Variants in PRKG2 observed in about 807,000 individuals in gnomAD.
PRKG2 encodes the protein protein kinase cGMP-dependent 2, also known as cGMP-dependent protein kinase 2.
PRKG2 carries 33 observed loss-of-function variants against 97.2 expected under a neutral mutation model. That is an observed-to-expected ratio of 0.34 (90% CI 0.26 to 0.45). The LOEUF is 0.45. Ranked by LOEUF, PRKG2 falls within the 20% of genes least tolerant of loss-of-function variation. The probability of loss-of-function intolerance (pLI) is 1.00; values close to 1 mark genes in which losing one functional copy is unlikely to be tolerated. For missense variants in PRKG2, 638 were observed against 900.0 expected (o/e 0.71, Z 3.73); for synonymous variants, 330 against 321.8 (o/e 1.03, Z -0.27).
At chr4:81,121,775 CT>C (rs1745095934) in intron 14 of PRKG2, among the ~76,000 whole-genome samples, 1 of 151,594 alleles carries the variant, frequency 6.6e-6, no homozygotes, top group African/African-American at 2.4e-5. Context: ...TTTTATTGAT[CT>C]TTTCAAATAA....
At chr4:81,207,253 G>A (rs977235220) in intron 1 of PRKG2, among the ~76,000 whole-genome samples, 6 of 152,146 alleles carry the variant, frequency 3.9e-5, no homozygotes, top group African/African-American at 7.2e-5. Context: ...TTTTTAACAC[G>A]CATCAGTGAC....
chr4:81,217,036 T>TATATATATAC (rs1553933218), upstream of PRKG2, among the ~76,000 whole-genome samples: 1 of 137,360 alleles, frequency 7.3e-6, no homozygotes, highest in South Asian at 2.2e-4. Context: ...ATTTTGTATA[T>TATATATATAC]ATATATATAT....
intron 11 of PRKG2, among the ~76,000 whole-genome samples, chr4:81,142,411 C>T (rs751916909): frequency 1.3e-5 from 2 of 152,250 alleles, no homozygotes; most frequent in African/African-American, 2.4e-5. Flanking sequence ...GGCATTTTCA[C>T]TTGACACATT....
At chr4:81,216,231 G>C (rs1201959493), upstream of PRKG2, among the ~76,000 whole-genome samples, 1 of 152,090 alleles carries the variant, frequency 6.6e-6, no homozygotes, top group African/African-American at 2.4e-5. Context: ...AAAATATGTT[G>C]AATGAGACCA....
chr4:81,207,776 G>A (rs710835), intron 1 of PRKG2, among the ~76,000 whole-genome samples: 50,411 of 151,984 alleles, frequency 0.33, 9,046 homozygotes, highest in African/African-American at 0.47. Context: ...TTTAAGATAC[G>A]TAAGTAAGTT....
At chr4:81,129,643 C>T (rs1745962170) in intron 14 of PRKG2, among the ~76,000 whole-genome samples, 1 of 152,046 alleles carries the variant, frequency 6.6e-6, no homozygotes, top group African/African-American at 2.4e-5. Flanking sequence ...TTATCAGAGA[C>T]TAGGATTGCA....
intron 3 of PRKG2, among the ~76,000 whole-genome samples, chr4:81,173,017 G>A (rs1196787247): frequency 6.6e-6 from 1 of 152,118 alleles, no homozygotes; most frequent in Non-Finnish European, 1.5e-5. Flanking sequence ...CTTAGTGGTA[G>A]TGTCCAGTTG....
At chr4:81,115,507 G>A (rs1226748893) in intron 14 of PRKG2, among the ~76,000 whole-genome samples, 3 of 152,148 alleles carry the variant, frequency 2.0e-5, no homozygotes, top group African/African-American at 7.2e-5. Flanking sequence ...AAAAAGTTCT[G>A]CTGGAATTTC....
At chr4:81,157,565 C>T (rs1376534750) in intron 6 of PRKG2, among the ~76,000 whole-genome samples, 1 of 152,194 alleles carries the variant, frequency 6.6e-6, no homozygotes, top group East Asian at 1.9e-4. Flanking sequence ...AGGGAATCCT[C>T]CCTAACTCAT....
intron 14 of PRKG2, among the ~76,000 whole-genome samples, chr4:81,126,097 C>T (rs1745523573): frequency 6.6e-6 from 1 of 152,192 alleles, no homozygotes; most frequent in African/African-American, 2.4e-5. Flanking sequence ...TCTCATCGTT[C>T]TACTCCCACT....
At chr4:81,191,642 C>A (rs558255425) in intron 2 of PRKG2, among the ~76,000 whole-genome samples, 2 of 151,718 alleles carry the variant, frequency 1.3e-5, no homozygotes, top group East Asian at 3.9e-4. Flanking sequence ...AAAAATTGAC[C>A]TACACATTCA....
chr4:81,089,906 A>T, intron 18 of PRKG2, 103 bp from the exon 19 acceptor site: 2 of 922,470 alleles, frequency 2.2e-6, no homozygotes, highest in South Asian at 3.3e-5. Context: ...TTCATACTGC[A>T]GCCACTTGGA....
intron 8 of PRKG2, 48 bp downstream of exon 8, chr4:81,151,912 T>C (rs776301611): frequency 2.5e-5 from 35 of 1,407,966 alleles, no homozygotes; most frequent in Admixed American, 2.0e-4. Flanking sequence ...ATATAAAAAA[T>C]AGTCGAAGCA....
chr4:81,131,655 T>C (rs1578394044), intron 14 of PRKG2, among the ~76,000 whole-genome samples: 1 of 152,106 alleles, frequency 6.6e-6, no homozygotes, highest in South Asian at 2.1e-4. Flanking sequence ...TCATCTAGAA[T>C]TAATTTTTGT....
chr4:81,178,843 C>T (rs1377325035), intron 2 of PRKG2, among the ~76,000 whole-genome samples: 1 of 151,958 alleles, frequency 6.6e-6, no homozygotes, highest in African/African-American at 2.4e-5. Context: ...TAGCTTAAAT[C>T]AGGCAGAGTG....
At chr4:81,107,055 T>C (rs1578348268) in intron 15 of PRKG2, among the ~76,000 whole-genome samples, 1 of 152,180 alleles carries the variant, frequency 6.6e-6, no homozygotes, top group East Asian at 1.9e-4. Context: ...AGTTTGCTAA[T>C]GGGGTGAATA....
intron 14 of PRKG2, among the ~76,000 whole-genome samples, chr4:81,124,717 G>GC (rs1219986882): frequency 6.6e-6 from 1 of 152,122 alleles, no homozygotes; most frequent in African/African-American, 2.4e-5. Context: ...GGTGACTGCA[G>GC]CCCCCGACAC....
chr4:81,211,454 A>T lies in PRKG2; in HGVS notation c.-14+3482T>A, dbSNP rs113970038. On this transcript the variant is annotated intron_variant, in intron 1 of 18. Coordinates refer to ENST00000264399, the MANE Select transcript of PRKG2 (RefSeq NM_006259.3). ...TGAAATGTGTGATGGATGGAAGGAGAGTAATGAATAATGAAACTGAAAAAG... is the reference window on the plus strand; with the variant it reads ...TGAAATGTGTGATGGATGGAAGGAGTGTAATGAATAATGAAACTGAAAAAG... Among the ~76,000 whole-genome samples the T allele has an allele frequency of 1.6e-4, 24 of 152,308 alleles. 1 individual carries two copies. Among genetic ancestry groups the T allele is most frequent in the African/African-American group, 5.8e-4 (24 of 41,564 alleles).
At chr4:81,103,925 G>A (rs998969616) in intron 17 of PRKG2, among the ~76,000 whole-genome samples, 5 of 152,104 alleles carry the variant, frequency 3.3e-5, no homozygotes, top group African/African-American at 9.7e-5. Context: ...CAGCTCCTCC[G>A]GAGGCTGAGG....
Sources: allele counts gnomAD v4.1 joint callset (sites outside exome capture counted in the v4.1 genomes callset), GRCh38; gene constraint gnomAD v4.1.1; transcripts MANE v1.5; gene names NCBI Gene and HGNC (gene_info 2026-07-23, HGNC 2026-07-21).